KCNMB3: variants seen among roughly 807,000 people sequenced by gnomAD.
KCNMB3 encodes the protein potassium calcium-activated channel subfamily M regulatory beta subunit 3, also known as calcium-activated potassium channel subunit beta-3.
In KCNMB3, 18 loss-of-function variants were observed where a neutral mutation model predicts 11.9. That is an observed-to-expected ratio of 1.51 (90% CI 1.04 to 2.23). The LOEUF is 2.23. Ranked by LOEUF, KCNMB3 falls within the 30% of genes most tolerant of loss-of-function variation. The pLI, the probability that KCNMB3 is intolerant of heterozygous loss-of-function variation, is 0.00. For synonymous variants in KCNMB3, 78 were observed against 119.2 expected (o/e 0.65, Z 2.25); for missense variants, 247 against 329.4 (o/e 0.75, Z 1.94).
At chr3:179,244,379 A>G (rs1255952803) in intron 2 of KCNMB3, 116 bp downstream of exon 2, 6 of 753,684 alleles carry the variant, frequency 8.0e-6, no homozygotes, top group Non-Finnish European at 1.1e-5. Context: ...AAAAATGTTC[A>G]CTCCAAAAAA....
chr3:179,253,377 C>G (rs1388257479), upstream of KCNMB3, among the ~76,000 whole-genome samples: 1 of 152,196 alleles, frequency 6.6e-6, no homozygotes, highest in African/African-American at 2.4e-5. Flanking sequence ...CTAGACAAGA[C>G]TTTTTATTTA....
At chr3:179,250,342 G>A (rs2108445955) in intron 1 of KCNMB3, among the ~76,000 whole-genome samples, 1 of 152,306 alleles carries the variant, frequency 6.6e-6, no homozygotes, top group African/African-American at 2.4e-5. Context: ...ACTACTATGT[G>A]CCAGGTAGAC....
upstream of KCNMB3, among the ~76,000 whole-genome samples, chr3:179,252,731 C>T (rs1205723922): frequency 1.3e-4 from 17 of 128,542 alleles, no homozygotes; most frequent in South Asian, 3.8e-3. Flanking sequence ...TGAACCTGTA[C>T]TTTTTTTTTT....
chr3:179,243,079 A>G lies in KCNMB3; in HGVS notation c.653T>C (p.Leu218Pro), dbSNP rs1206377377. 4 of 1,566,704 alleles carry G rather than the reference A, an allele frequency of 2.6e-6. No homozygotes were observed. The highest frequency in any genetic ancestry group is 3.5e-6 in the Non-Finnish European group (4 of 1,156,948). The change falls in exon 3 of 3, where the codon CTA (leucine) becomes CCA (proline). Residue 218 changes from leucine (L) to proline (P), a missense_variant. Coordinates refer to ENST00000392685, the MANE Select transcript of KCNMB3 (RefSeq NM_171830.2). ...CATGCCAACAATCAGGGCACCACCT[A>G]GCAGAGTCAGTGAAGGCCAAAATAA... ...HCLFWPSLTLLGGALIVGMVR... is the reference protein window; with the variant it reads ...HCLFWPSLTLPGGALIVGMVR...
chr3:179,251,065 A>T lies in KCNMB3; in HGVS notation c.-75T>A, dbSNP rs754137380. ...GTCTCGTGAGCAGGATGAATGCAAC[A>T]AAATGAAATCCCAGTTCAGAGCTTG... On this transcript the variant is annotated 5_prime_UTR_variant, in exon 1 of 3. Transcript: ENST00000392685. The T allele has an allele frequency of 1.2e-6, 2 of 1,614,128 alleles. No individual in the cohort carries two copies. Among genetic ancestry groups the T allele is most frequent in the Admixed American group, 1.7e-5 (1 of 60,012 alleles).
At chr3:179,253,362 C>T (rs144420889), upstream of KCNMB3, among the ~76,000 whole-genome samples, 19 of 152,338 alleles carry the variant, frequency 1.2e-4, no homozygotes, top group East Asian at 1.3e-3. Context: ...CAGACCTGTA[C>T]TGTCCTAGAC....
At chr3:179,246,623 G>C (rs1030682341) in intron 1 of KCNMB3, among the ~76,000 whole-genome samples, 1 of 152,104 alleles carries the variant, frequency 6.6e-6, no homozygotes, top group African/African-American at 2.4e-5. Context: ...AAATACAAAA[G>C]CGGAAAATAA....
At chr3:179,257,816 G>C (rs1173480799) in intron 1 of KCNMB3, among the ~76,000 whole-genome samples, 1 of 152,080 alleles carries the variant, frequency 6.6e-6, no homozygotes, top group Admixed American at 6.5e-5. Flanking sequence ...GGCCTCAAGC[G>C]ATCCTCCAAA....
chr3:179,249,062 G>GA (rs1287550041), intron 1 of KCNMB3, among the ~76,000 whole-genome samples: 2 of 147,146 alleles, frequency 1.4e-5, no homozygotes, highest in Non-Finnish European at 3.0e-5. Context: ...ACCCAGGCTG[G>GA]AGTGCAATGG....
At chr3:179,256,534 A>G (rs780242300), upstream of KCNMB3, among the ~76,000 whole-genome samples, 1 of 152,142 alleles carries the variant, frequency 6.6e-6, no homozygotes, top group Non-Finnish European at 1.5e-5. Flanking sequence ...TAAATACATG[A>G]CAAGAGAATA....
chr3:179,254,227 C>CT (rs1279282766), upstream of KCNMB3, among the ~76,000 whole-genome samples: 1 of 152,208 alleles, frequency 6.6e-6, no homozygotes, highest in East Asian at 1.9e-4. Context: ...AATAGCCCCT[C>CT]TCCCTTCACC....
Position 179,244,561 on chromosome 3 carries a change from G to C in KCNMB3, c.381C>G (p.Asn127Lys), listed in dbSNP as rs752392064. The C allele has an allele frequency of 6.2e-7, 1 of 1,614,118 alleles. No homozygotes were observed. Among genetic ancestry groups the C allele is most frequent in the South Asian group, 1.1e-5 (1 of 91,076 alleles). ...GAGCTTTCTGACCTGGATGGCTGAGGTTCACAAACACCTGAAGACACGGGT... is the reference window on the plus strand; with the variant it reads ...GAGCTTTCTGACCTGGATGGCTGAGCTTCACAAACACCTGAAGACACGGGT... Reference protein sequence around the residue: ...GKYPCLQVFVNLSHPGQKALL... With the variant: ...GKYPCLQVFVKLSHPGQKALL... The change falls in exon 2 of 3, where the codon AAC becomes AAG. Residue 127 changes from asparagine to lysine, a missense_variant. Physicochemically the swap from Asn to Lys is moderately conservative, Grantham distance 94 (BLOSUM62 0). Transcript: ENST00000392685.
At chr3:179,259,519 C>G in intron 1 of KCNMB3, 2 of 1,611,240 alleles carry the variant, frequency 1.2e-6, no homozygotes, top group Middle Eastern at 1.7e-4. Flanking sequence ...TCTGGACAAT[C>G]AACATTTTCA....
intron 1 of KCNMB3, among the ~76,000 whole-genome samples, chr3:179,262,639 A>C (rs1726257297): frequency 6.6e-6 from 1 of 152,106 alleles, no homozygotes; most frequent in Non-Finnish European, 1.5e-5. Context: ...TGATTGGTCC[A>C]TTTTACAGAG....
chr3:179,260,790 T>G, intron 1 of KCNMB3: 1 of 1,409,112 alleles, frequency 7.1e-7, no homozygotes, highest in Non-Finnish European at 1.0e-6. Flanking sequence ...TCAAATTATT[T>G]GTTTTTCTCT....
At chr3:179,266,235 T>C (rs1311160125) in intron 1 of KCNMB3, among the ~76,000 whole-genome samples, 1 of 151,592 alleles carries the variant, frequency 6.6e-6, no homozygotes, top group Admixed American at 6.6e-5. Flanking sequence ...TGCCCAGTCA[T>C]ATGGCTGATT....
chr3:179,258,831 G>T, intron 1 of KCNMB3: 2 of 1,462,114 alleles, frequency 1.4e-6, no homozygotes, highest in Non-Finnish European at 1.9e-6. Flanking sequence ...TCTAATCTGG[G>T]TGATAACCTC....
chr3:179,260,687 C>T (rs1427798962), intron 1 of KCNMB3: 21 of 1,381,426 alleles, frequency 1.5e-5, no homozygotes, highest in Non-Finnish European at 1.9e-5. Context: ...TAGGATTATT[C>T]CATGTTTCTC....
chr3:179,265,408 A>G (rs1384268505), intron 1 of KCNMB3, among the ~76,000 whole-genome samples: 1 of 152,172 alleles, frequency 6.6e-6, no homozygotes, highest in Non-Finnish European at 1.5e-5. Flanking sequence ...TAAATCATGC[A>G]TATTTCCAGA....
Sources: gnomAD v4.1 joint callset for allele counts (sites outside exome capture counted in the v4.1 genomes callset) on GRCh38, gnomAD v4.1.1 for gene constraint, MANE v1.5 for transcripts, NCBI Gene and HGNC (gene_info 2026-07-23, HGNC 2026-07-21) for gene names.